MAP3K13: variants seen among roughly 807,000 people sequenced by gnomAD.
The protein encoded by MAP3K13 is mitogen-activated protein kinase kinase kinase 13, also known as leucine zipper-bearing kinase.
Under a neutral mutation model 104.0 loss-of-function variants are expected in MAP3K13, and 52 were observed. The ratio of observed to expected loss-of-function variants is 0.50; its 90% CI spans 0.40 to 0.63. The LOEUF (loss-of-function observed/expected upper bound fraction) is 0.63. MAP3K13 is among the 20% of genes least tolerant of loss of function. The pLI is 0.00. For synonymous variants in MAP3K13, 394 were observed against 442.2 expected, an observed-to-expected ratio of 0.89 and a Z score of 1.37; for missense variants, 914 against 1,218.5, an observed-to-expected ratio of 0.75 and a Z score of 3.72.
chr3:185,300,189 CTTTT>C (rs1273008667), intron 2 of MAP3K13, among the ~76,000 whole-genome samples: 1 of 123,428 alleles, frequency 8.1e-6, no homozygotes, highest in Non-Finnish European at 1.8e-5. Flanking sequence ...TCCTTCTTTT[CTTTT>C]TTTTTTTTTT....
At chr3:185,366,374 T>C (rs1399059191) in intron 1 of MAP3K13, among the ~76,000 whole-genome samples, 1 of 152,170 alleles carries the variant, frequency 6.6e-6, no homozygotes, top group Admixed American at 6.5e-5. Context: ...TTTTTGACTA[T>C]TAGGAATAAT....
chr3:185,360,830 T>TC (rs2108740505), upstream of MAP3K13, among the ~76,000 whole-genome samples: 1 of 144,354 alleles, frequency 6.9e-6, no homozygotes, highest in African/African-American at 2.6e-5. Context: ...TTTTTTTTTT[T>TC]TTTTTTTTTT....
chr3:185,438,300 A>G (rs1428390258), intron 3 of MAP3K13, among the ~76,000 whole-genome samples: 1 of 93,470 alleles, frequency 1.1e-5, no homozygotes, highest in Non-Finnish European at 2.6e-5. Context: ...TGAAAAAAAA[A>G]GGAAAGAAAG....
intron 2 of MAP3K13, among the ~76,000 whole-genome samples, chr3:185,308,041 C>CTTTGTTTTTT: frequency 9.9e-6 from 1 of 101,052 alleles, no homozygotes; most frequent in Non-Finnish European, 1.9e-5. Flanking sequence ...TTGAGACTTA[C>CTTTGTTTTTT]TTTGTTCCCT....
chr3:185,424,015 C>G (rs1401664687), intron 1 of MAP3K13, among the ~76,000 whole-genome samples: 1 of 152,182 alleles, frequency 6.6e-6, no homozygotes, highest in Admixed American at 6.5e-5. Context: ...ATATGGCTCA[C>G]TTGTCATGGG....
At chr3:185,410,425 G>A (rs997043128) in intron 1 of MAP3K13, among the ~76,000 whole-genome samples, 6 of 152,044 alleles carry the variant, frequency 3.9e-5, no homozygotes, top group African/African-American at 7.2e-5. Context: ...CAGCTATAGC[G>A]TCCCACAGCA....
intron 1 of MAP3K13, among the ~76,000 whole-genome samples, chr3:185,412,033 C>G (rs1204341479): frequency 6.6e-6 from 1 of 152,174 alleles, no homozygotes; most frequent in Non-Finnish European, 1.5e-5. Flanking sequence ...ATCCTCCCAC[C>G]TCGGCCTCCC....
At chr3:185,337,133 G>C (rs1423249137) in intron 2 of MAP3K13, among the ~76,000 whole-genome samples, 1 of 152,144 alleles carries the variant, frequency 6.6e-6, no homozygotes, top group Non-Finnish European at 1.5e-5. Flanking sequence ...TTGAACTCCT[G>C]AGCTCAAGTG....
intron 2 of MAP3K13, among the ~76,000 whole-genome samples, chr3:185,432,293 C>T (rs763335639): frequency 9.7e-5 from 14 of 143,816 alleles, no homozygotes; most frequent in Non-Finnish European, 1.5e-4. Context: ...TGGGTTCGAG[C>T]GATTCTCCTG....
intron 2 of MAP3K13, among the ~76,000 whole-genome samples, chr3:185,297,966 C>CT (rs879453538): frequency 0.021 from 2,989 of 141,502 alleles, 71 homozygotes; most frequent in African/African-American, 0.064. Flanking sequence ...CTAATTCTGT[C>CT]TTTTTTTTTT....
At chr3:185,399,756 G>C (rs1175431723) in intron 1 of MAP3K13, among the ~76,000 whole-genome samples, 1 of 150,420 alleles carries the variant, frequency 6.6e-6, no homozygotes, top group Admixed American at 6.7e-5. Context: ...CTTTGCCCCA[G>C]TTACAGTTTA....
At chr3:185,331,541 G>C (rs1722282379) in intron 2 of MAP3K13, among the ~76,000 whole-genome samples, 1 of 151,956 alleles carries the variant, frequency 6.6e-6, no homozygotes, top group Non-Finnish European at 1.5e-5. Flanking sequence ...TTTCCCTCTA[G>C]AATGTAAGAA....
intron 1 of MAP3K13, among the ~76,000 whole-genome samples, chr3:185,397,845 G>C (rs906725233): frequency 6.6e-6 from 1 of 152,108 alleles, no homozygotes; most frequent in African/African-American, 2.4e-5. Context: ...GTTGGTTCCC[G>C]GCCTGTCAGT....
Position 185,331,055 on chromosome 3 carries a change from TCCA to T in MAP3K13, c.-86+45416_-86+45418del, listed in dbSNP as rs1722249879. Among the ~76,000 whole-genome samples the T allele has an allele frequency of 2.0e-5, 3 of 149,668 alleles. No individual in the cohort carries two copies. In the South Asian group the frequency reaches 6.3e-4, roughly 32 times the overall value. On this transcript the variant is annotated intron_variant, in intron 2 of 14. Coordinates refer to the MAP3K13 transcript ENST00000424227. ...AACTAAAATGGCACCCTACTCCACT[TCCA>T]CCATAACACTTTTTTTCTTTTAACC...
chr3:185,455,385 T>G (rs1455675248), intron 7 of MAP3K13, among the ~76,000 whole-genome samples: 5 of 58,118 alleles, frequency 8.6e-5, no homozygotes, highest in South Asian at 5.6e-4. Flanking sequence ...ATATATGATA[T>G]ATATATCATA....
At chr3:185,374,299 G>A (rs1280296985) in intron 1 of MAP3K13, among the ~76,000 whole-genome samples, 3 of 152,058 alleles carry the variant, frequency 2.0e-5, no homozygotes, top group Non-Finnish European at 2.9e-5. Context: ...TTGGGGTGGC[G>A]AAAATTTTTG....
At chr3:185,457,772 G>T (rs568404321) in intron 7 of MAP3K13, among the ~76,000 whole-genome samples, 303 of 152,114 alleles carry the variant, frequency 2.0e-3, no homozygotes, top group African/African-American at 6.9e-3. Flanking sequence ...CTACCTCCTA[G>T]AATTTTCTCG....
chr3:185,353,822 C>G (rs534729129), intron 2 of MAP3K13, among the ~76,000 whole-genome samples: 53 of 152,184 alleles, frequency 3.5e-4, no homozygotes, highest in Non-Finnish European at 6.8e-4. Context: ...CCTGCTCTCT[C>G]ATATCCAGTT....
At chr3:185,471,752 G>A (rs944076765) in intron 10 of MAP3K13, among the ~76,000 whole-genome samples, 9 of 152,224 alleles carry the variant, frequency 5.9e-5, no homozygotes, top group Non-Finnish European at 1.2e-4. Context: ...GAGCCACCAC[G>A]CCCGGCCGAC....
Sources: gnomAD v4.1 joint callset for allele counts (sites outside exome capture counted in the v4.1 genomes callset) on GRCh38, gnomAD v4.1.1 for gene constraint, MANE v1.5 for transcripts, NCBI Gene and HGNC (gene_info 2026-07-23, HGNC 2026-07-21) for gene names.